Variants in ROBO2 observed in about 807,000 individuals in gnomAD.
The protein encoded by ROBO2 is roundabout guidance receptor 2.
A neutral mutation model predicts 160.8 loss-of-function variants in ROBO2; 53 were observed. The ratio of observed to expected loss-of-function variants is 0.33; its 90% CI spans 0.26 to 0.41. ROBO2 has a LOEUF of 0.41. Ranked by LOEUF, ROBO2 falls within the 10% of genes least tolerant of loss-of-function variation. The pLI is 1.00. For missense variants in ROBO2, 1,577 were observed against 1,722.4 expected (o/e 0.92, Z 1.49); for synonymous variants, 664 against 611.7 (o/e 1.09, Z -1.26).
intron 1 of ROBO2, among the ~76,000 whole-genome samples, chr3:75,913,558 C>G (rs1021178984): frequency 2.0e-5 from 3 of 152,130 alleles, no homozygotes; most frequent in Non-Finnish European, 2.9e-5. Context: ...CTGATAACAG[C>G]TACTGATAAA....
rs578007364 is a variant in ROBO2 at position 76,291,410 on chromosome 3, TTC to T, written c.109+353812_109+353813del. Among the ~76,000 whole-genome samples the T allele has an allele frequency of 5.4e-3, 821 of 152,228 alleles. 10 individuals are homozygous for T. Among genetic ancestry groups the T allele is most frequent in the African/African-American group, 0.018 (728 of 41,546 alleles). On this transcript the variant is annotated intron_variant, in intron 2 of 26. Coordinates refer to the ROBO2 transcript ENST00000487694. ...GCAATGTCCCCTTTTTATTTGGATC[TTC>T]TCTTTTTTTCATTATTAGTCTAGCT...
At chr3:77,627,503 T>G (rs1266568012) in intron 23 of ROBO2, among the ~76,000 whole-genome samples, 1 of 152,100 alleles carries the variant, frequency 6.6e-6, no homozygotes, top group Non-Finnish European at 1.5e-5. Context: ...CAAGCTGTTC[T>G]CAAACTCGTG....
At chr3:77,364,460 C>G (rs888024921) in intron 2 of ROBO2, among the ~76,000 whole-genome samples, 2 of 152,048 alleles carry the variant, frequency 1.3e-5, no homozygotes, top group Non-Finnish European at 2.9e-5. Context: ...TATTTTCTCT[C>G]TATGCCTTGA....
rs567658783 is a variant in ROBO2, at chr3:77,344,752, G to C, written c.389-132662G>C. ...TAGAGCAGTAAGACATTGAATGGTT[G>C]TTAAAGATAGGTGATGAGTACTTAG... On this transcript the variant is annotated intron_variant, in intron 2 of 25. Coordinates refer to ENST00000461745, the Ensembl canonical transcript of ROBO2. Among the ~76,000 whole-genome samples the C allele has an allele frequency of 2.6e-5, 4 of 152,228 alleles. No homozygotes were observed. In the South Asian group the frequency reaches 8.3e-4, roughly 32 times the overall value.
intron 2 of ROBO2, among the ~76,000 whole-genome samples, chr3:76,032,134 T>C (rs1189625676): frequency 6.6e-6 from 1 of 152,200 alleles, no homozygotes; most frequent in African/African-American, 2.4e-5. Flanking sequence ...ATTTTCTAAT[T>C]TATTTGCAGA....
chr3:77,130,046 C>A (rs751092734), intron 2 of ROBO2, among the ~76,000 whole-genome samples: 2 of 152,126 alleles, frequency 1.3e-5, no homozygotes, highest in Non-Finnish European at 2.9e-5. Flanking sequence ...CTTGAGGCAA[C>A]CACTGTGCAA....
intron 2 of ROBO2, among the ~76,000 whole-genome samples, chr3:76,975,517 T>C (rs1305361035): frequency 6.6e-6 from 1 of 152,062 alleles, no homozygotes; most frequent in East Asian, 1.9e-4. Context: ...TCTTAAGTAA[T>C]TTAGATCACT....
chr3:76,067,486 C>A (rs1262185708), intron 2 of ROBO2, among the ~76,000 whole-genome samples: 1 of 115,190 alleles, frequency 8.7e-6, no homozygotes, highest in East Asian at 2.1e-4. Flanking sequence ...TATACCAGAG[C>A]CTTGGAATTG....
intron 2 of ROBO2, among the ~76,000 whole-genome samples, chr3:77,419,497 G>A (rs1490156582): frequency 1.3e-5 from 2 of 152,046 alleles, no homozygotes; most frequent in African/African-American, 4.8e-5. Context: ...AGAAGGAGAG[G>A]TGGCACATGA....
At chr3:77,409,934 A>G (rs1011455723) in intron 2 of ROBO2, among the ~76,000 whole-genome samples, 1 of 152,192 alleles carries the variant, frequency 6.6e-6, no homozygotes, top group Non-Finnish European at 1.5e-5. Context: ...ACAGATGTTC[A>G]CATTTAGCAC....
chr3:76,782,978 TTGG>T (rs1457966107), intron 2 of ROBO2, among the ~76,000 whole-genome samples: 2 of 150,792 alleles, frequency 1.3e-5, no homozygotes, highest in Non-Finnish European at 3.0e-5. Flanking sequence ...GCTCTCCTTC[TTGG>T]TGATTTGATA....
chr3:77,539,079 A>C (rs2092329595), intron 6 of ROBO2, among the ~76,000 whole-genome samples: 1 of 151,998 alleles, frequency 6.6e-6, no homozygotes, highest in Non-Finnish European at 1.5e-5. Context: ...TGCCACGCCC[A>C]GCTAATTTGT....
intron 2 of ROBO2, among the ~76,000 whole-genome samples, chr3:76,780,230 A>G (rs1283597969): frequency 1.4e-5 from 2 of 147,528 alleles, no homozygotes; most frequent in Non-Finnish European, 3.0e-5. Flanking sequence ...AGAGCTGTCT[A>G]TTCATGTTCT....
At chr3:76,121,815 T>G (rs2070764103) in intron 2 of ROBO2, among the ~76,000 whole-genome samples, 1 of 152,134 alleles carries the variant, frequency 6.6e-6, no homozygotes, top group Admixed American at 6.5e-5. Context: ...TTAACAGAAT[T>G]CCAGAGCTAG....
intron 2 of ROBO2, among the ~76,000 whole-genome samples, chr3:76,054,600 C>T (rs1378200801): frequency 6.6e-6 from 1 of 152,116 alleles, no homozygotes; most frequent in Non-Finnish European, 1.5e-5. Context: ...ACAGTAGGGA[C>T]ACATGGACAT....
At chr3:76,431,280 T>C (rs1420664075) in intron 2 of ROBO2, among the ~76,000 whole-genome samples, 1 of 152,130 alleles carries the variant, frequency 6.6e-6, no homozygotes, top group East Asian at 1.9e-4. Context: ...CAACCCTTAG[T>C]AATTAGATAT....
chr3:76,630,899 AAAG>A (rs1270622024), intron 2 of ROBO2, among the ~76,000 whole-genome samples: 4 of 152,184 alleles, frequency 2.6e-5, no homozygotes, highest in Admixed American at 1.3e-4. Context: ...CAAGAGGTGC[AAAG>A]AAGGGGAAAA....
intron 23 of ROBO2, 93 bp from the exon 25 acceptor site, chr3:77,634,777 A>T: frequency 2.5e-6 from 3 of 1,181,588 alleles, no homozygotes; most frequent in Non-Finnish European, 2.5e-6. Context: ...CTCTAGGTAG[A>T]TTTACAGGTT....
Position 77,080,749 on chromosome 3 carries a change from C to T in ROBO2, c.62-17265C>T, listed in dbSNP as rs539659502. The stretch of plus-strand genomic sequence containing the variant: ...ACCTGTGTCCTTTTCCTGATGCATA[C>T]AACTGCCTGTGGTATGAATGCAGAA... On this transcript the variant is annotated intron_variant, in intron 1 of 25. Transcript: ENST00000461745. 6.8e-4 allele frequency among the ~76,000 whole-genome samples: 104 copies of T among 152,232 alleles called. 1 individual carries two copies. Among genetic ancestry groups the T allele is most frequent in the Admixed American group, 5.8e-3 (89 of 15,274 alleles).
Sources: allele counts gnomAD v4.1 joint callset (sites outside exome capture counted in the v4.1 genomes callset), GRCh38; gene constraint gnomAD v4.1.1; transcripts MANE v1.5; gene names NCBI Gene and HGNC (gene_info 2026-07-23, HGNC 2026-07-21).